ARHGEF38: variants seen among roughly 807,000 people sequenced by gnomAD.
The protein encoded by ARHGEF38 is Rho guanine nucleotide exchange factor 38.
Under a neutral mutation model 79.9 loss-of-function variants are expected in ARHGEF38, and 79 were observed. The observed-to-expected ratio is 0.99, with a 90% CI of 0.82 to 1.19. ARHGEF38 has a LOEUF of 1.19. Ranked by LOEUF, ARHGEF38 falls within the 50% of genes most tolerant of loss-of-function variation. The pLI, the probability that ARHGEF38 is intolerant of heterozygous loss-of-function variation, is 0.00. For synonymous variants in ARHGEF38, 366 were observed against 328.3 expected (o/e 1.11, Z -1.24); for missense variants, 962 against 907.2 (o/e 1.06, Z -0.78).
In ARHGEF38 at chr4:105,631,060, A is replaced by G. The variant is rs1259164947; in HGVS notation, c.656+15A>G. The G allele has an allele frequency of 6.3e-7, 1 of 1,599,194 alleles. No homozygotes were observed. The highest frequency in any genetic ancestry group is 1.4e-5 in the African/African-American group (1 of 74,036). ...CAGTCCTTAAAGTAAGGCCTTTTCA[A>G]ATGATGATTCCCATCTCCTCTCAGT... On this transcript the variant is annotated intron_variant, in intron 4 of 13. Coordinates refer to ENST00000420470, the MANE Select transcript of ARHGEF38 (RefSeq NM_001242729.2).
chr4:105,571,612 C>T (rs115031053), intron 1 of ARHGEF38, among the ~76,000 whole-genome samples: 4,540 of 152,236 alleles, frequency 0.03, 244 homozygotes, highest in African/African-American at 0.1. Flanking sequence ...CGTGAGCCAC[C>T]GCGCCCTGCC....
chr4:105,628,672 AAAAC>A (rs1037216904), intron 3 of ARHGEF38, among the ~76,000 whole-genome samples: 4 of 152,084 alleles, frequency 2.6e-5, no homozygotes, highest in African/African-American at 7.2e-5. Context: ...AAGCACTACT[AAAAC>A]AAACAAACAA....
At position 105,631,015 on chromosome 4, in the gene ARHGEF38, A is replaced by G; in HGVS notation, c.626A>G (p.Glu209Gly). 1 of 1,613,834 alleles carries G rather than the reference A, an allele frequency of 6.2e-7. No individual in the cohort carries two copies. The highest frequency in any genetic ancestry group is 1.3e-5 in the African/African-American group (1 of 75,056). ...ESYEKEEELK[E>G]HLSHCIQSLK... is the part of the protein sequence containing the mutation. ...TATGAAAAGGAAGAAGAGCTGAAGG[A>G]ACATTTGAGCCACTGTATCCAGTCC... Residue 209 changes from glutamate (E) to glycine (G), a missense_variant, in exon 4 of 14, where the codon GAA becomes GGA. By Grantham distance (98) the Glu-to-Gly change is moderately conservative. Transcript: ENST00000420470.
intron 7 of ARHGEF38, among the ~76,000 whole-genome samples, chr4:105,648,918 G>A (rs1729974222): frequency 6.6e-6 from 1 of 151,560 alleles, no homozygotes; most frequent in South Asian, 2.1e-4. Flanking sequence ...TGTCTTAGCT[G>A]TGGTGCTTCT....
chr4:105,565,564 T>G (rs1725847182), intron 1 of ARHGEF38, among the ~76,000 whole-genome samples: 1 of 152,076 alleles, frequency 6.6e-6, no homozygotes, highest in South Asian at 2.1e-4. Flanking sequence ...GTATATTGAA[T>G]TATGGGTGGG....
chr4:105,645,229 A>G lies in ARHGEF38; in HGVS notation c.716A>G (p.Lys239Arg). 6.5e-7 allele frequency: 1 copy of G among 1,534,672 alleles called. No homozygotes were observed. The highest frequency in any genetic ancestry group is 1.2e-5 in the South Asian group (1 of 83,404). ...NLLDMGSLMI[K>R]PIQRVMKYPL... is the part of the protein sequence containing the mutation. ...TTGGACATGGGCTCTTTGATGATCA[A>G]ACCAATTCAACGTGTGATGAAATAC... Residue 239 changes from lysine to arginine, a missense_variant, in exon 6 of 14, where the codon AAA becomes AGA. Transcript: ENST00000420470.
chr4:105,560,509 A>G (rs1237286058), intron 1 of ARHGEF38, among the ~76,000 whole-genome samples: 1 of 152,184 alleles, frequency 6.6e-6, no homozygotes, highest in East Asian at 1.9e-4. Flanking sequence ...GCAACTTTTT[A>G]TCTGGATAGG....
intron 1 of ARHGEF38, among the ~76,000 whole-genome samples, chr4:105,578,427 C>T (rs774398913): frequency 5.9e-5 from 9 of 152,198 alleles, no homozygotes; most frequent in African/African-American, 1.2e-4. Flanking sequence ...TCTATAATAT[C>T]TGTTAGGTCC....
intron 1 of ARHGEF38, among the ~76,000 whole-genome samples, chr4:105,573,180 G>A (rs1287477800): frequency 6.6e-6 from 1 of 152,042 alleles, no homozygotes; most frequent in Non-Finnish European, 1.5e-5. Context: ...CTCCTATGCT[G>A]TAAACTGCTT....
At chr4:105,629,067 C>T (rs1217806891) in intron 3 of ARHGEF38, among the ~76,000 whole-genome samples, 2 of 151,538 alleles carry the variant, frequency 1.3e-5, no homozygotes, top group Non-Finnish European at 2.9e-5. Flanking sequence ...TAAAAAAAAT[C>T]ATTCTCCGAT....
At chr4:105,670,723 C>T (rs1730930195) in intron 13 of ARHGEF38, among the ~76,000 whole-genome samples, 1 of 152,128 alleles carries the variant, frequency 6.6e-6, no homozygotes, top group Non-Finnish European at 1.5e-5. Flanking sequence ...ATAATGCTAA[C>T]TAATGAATTT....
chr4:105,674,471 A>C (rs923447511), intron 13 of ARHGEF38, among the ~76,000 whole-genome samples: 5 of 152,152 alleles, frequency 3.3e-5, no homozygotes, highest in Non-Finnish European at 7.4e-5. Flanking sequence ...GTTGAAGATA[A>C]TGAGAAATCT....
At chr4:105,643,828 T>G (rs1729719855) in intron 5 of ARHGEF38, among the ~76,000 whole-genome samples, 1 of 152,100 alleles carries the variant, frequency 6.6e-6, no homozygotes, top group African/African-American at 2.4e-5. Flanking sequence ...TGTTTCTCAT[T>G]TATCAAATGA....
At chr4:105,585,263 A>C (rs748545541) in intron 1 of ARHGEF38, among the ~76,000 whole-genome samples, 2 of 152,208 alleles carry the variant, frequency 1.3e-5, no homozygotes, top group Non-Finnish European at 2.9e-5. Flanking sequence ...TTCAGTCTTC[A>C]TGATCACACT....
intron 2 of ARHGEF38, among the ~76,000 whole-genome samples, chr4:105,592,750 C>T (rs899737073): frequency 2.2e-4 from 34 of 152,280 alleles, no homozygotes; most frequent in African/African-American, 7.5e-4. Flanking sequence ...CTTCTCTCAG[C>T]TTATGCCCTT....
chr4:105,575,582 T>G (rs966288934), intron 1 of ARHGEF38, among the ~76,000 whole-genome samples: 1 of 152,194 alleles, frequency 6.6e-6, no homozygotes, highest in African/African-American at 2.4e-5. Flanking sequence ...TTTAAAAGTA[T>G]TTTCTCCACT....
chr4:105,630,781 G>A, intron 3 of ARHGEF38, 117 bp from the exon 4 acceptor site: 2 of 770,654 alleles, frequency 2.6e-6, no homozygotes, highest in Non-Finnish European at 3.9e-6. Flanking sequence ...TGAATAACCT[G>A]GGGATAAAGT....
chr4:105,681,949 T>C (rs1421554398), downstream of ARHGEF38, among the ~76,000 whole-genome samples: 1 of 152,190 alleles, frequency 6.6e-6, no homozygotes. Flanking sequence ...TATATTTCCA[T>C]CTGCAAAGAC....
At chr4:105,595,121 A>C (rs1727520744) in intron 2 of ARHGEF38, among the ~76,000 whole-genome samples, 2 of 152,138 alleles carry the variant, frequency 1.3e-5, no homozygotes, top group East Asian at 3.8e-4. Context: ...CACATAGTGC[A>C]AATCTACCAA....
Sources: gnomAD v4.1 joint callset for allele counts (sites outside exome capture counted in the v4.1 genomes callset) on GRCh38, gnomAD v4.1.1 for gene constraint, MANE v1.5 for transcripts, NCBI Gene and HGNC (gene_info 2026-07-23, HGNC 2026-07-21) for gene names.